The following TTC6 variants were observed in gnomAD, a reference collection of about 807,000 sequenced individuals.
TTC6 encodes the protein tetratricopeptide repeat domain 6.
TTC6 carries 172 observed loss-of-function variants against 210.4 expected under a neutral mutation model. The observed-to-expected ratio is 0.82, with a 90% CI of 0.72 to 0.93. The LOEUF (loss-of-function observed/expected upper bound fraction) is 0.93, where lower values mean the gene tolerates loss of function less well. Ranked by LOEUF, TTC6 falls within the 40% of genes least tolerant of loss-of-function variation. The pLI is 0.00. For synonymous variants in TTC6, 804 were observed against 819.6 expected (o/e 0.98, Z 0.32); for missense variants, 2,414 against 2,318.1 (o/e 1.04, Z -0.85).
intron 7 of TTC6, among the ~76,000 whole-genome samples, chr14:37,726,935 T>C (rs2095874161): frequency 6.6e-6 from 1 of 152,020 alleles, no homozygotes; most frequent in African/African-American, 2.4e-5. Context: ...TTTCTGATGG[T>C]GTTTCTGATA....
At chr14:37,714,856 T>C in intron 6 of TTC6, 60 bp downstream of exon 8, 1 of 1,466,452 alleles carries the variant, frequency 6.8e-7, no homozygotes, top group Non-Finnish European at 9.1e-7. Flanking sequence ...ACTTTTTGGC[T>C]TCAGGAGACT....
At chr14:37,629,534 C>T in intron 1 of TTC6, among the ~76,000 whole-genome samples, 1 of 152,144 alleles carries the variant, frequency 6.6e-6, no homozygotes, top group Non-Finnish European at 1.5e-5. Context: ...TCTAAATATA[C>T]AATCATGTCA....
rs147831894 is a variant in TTC6 at position 37,702,259 on chromosome 14, A to G, written c.1571+733A>G. ...CTGAAGTTCTTATCTCTTGATAGTG[A>G]TAGAATCCAGGTTTGTCTAACTCAG... On this transcript the variant is annotated intron_variant, in intron 5 of 30. Coordinates refer to ENST00000553443, the Ensembl canonical transcript of TTC6. Among the ~76,000 whole-genome samples the G allele has an allele frequency of 5.4e-3, 816 of 152,268 alleles. 6 individuals are homozygous for G. Among genetic ancestry groups the G allele is most frequent in the African/African-American group, 0.016 (683 of 41,542 alleles).
At chr14:37,773,940 A>G (rs901841845) in intron 14 of TTC6, among the ~76,000 whole-genome samples, 3 of 152,068 alleles carry the variant, frequency 2.0e-5, no homozygotes, top group African/African-American at 7.2e-5. Flanking sequence ...TCCTTTGAGC[A>G]GTGTTTTGTA....
Position 37,812,245 on chromosome 14 carries a change from A to G in TTC6, c.4570-69A>G, listed in dbSNP as rs2096131139. On this transcript the variant is annotated intron_variant, in intron 24 of 30. Coordinates refer to ENST00000553443, the Ensembl canonical transcript of TTC6. ...ATTGGGTCCTAGTTTGGACATAAAT[A>G]CGTTTGTCCATAGCCAATGAATTCA... The G allele has an allele frequency of 1.8e-5, 27 of 1,507,436 alleles. No individual in the cohort carries two copies. In the East Asian group the frequency reaches 6.0e-4, roughly 33 times the overall value. 93.4% of individuals were successfully genotyped at this position (1,507,436 alleles called of 1,614,324 possible). A position where few individuals can be genotyped will look rare whatever the true frequency, so the allele number is the denominator to read the frequency against.
At chr14:37,687,605 G>C (rs1470979255) in intron 3 of TTC6, among the ~76,000 whole-genome samples, 1 of 152,186 alleles carries the variant, frequency 6.6e-6, no homozygotes, top group Non-Finnish European at 1.5e-5. Flanking sequence ...AGATGGAAGA[G>C]TGGGGAAGAC....
In TTC6 at chr14:37,830,274, AT is replaced by A. The variant is rs576380615; in HGVS notation, c.5298+2917del. The stretch of plus-strand genomic sequence containing the variant: ...TGCTCTTTTTTGTCAAGATAACCAC[AT>A]TTTTTTTTAAGGGAAAAGTTTTACC... On this transcript the variant is annotated intron_variant, in intron 29 of 30. Transcript: ENST00000553443. Among the ~76,000 whole-genome samples the A allele has an allele frequency of 4.4e-4, 67 of 150,916 alleles. No individual in the cohort carries two copies. In the South Asian group the frequency reaches 0.013, roughly 28 times the overall value.
At chr14:37,761,827 C>A (rs1307950154) in intron 14 of TTC6, among the ~76,000 whole-genome samples, 1 of 152,082 alleles carries the variant, frequency 6.6e-6, no homozygotes, top group African/African-American at 2.4e-5. Flanking sequence ...TTCTTCACTT[C>A]ATATTTATGG....
intron 14 of TTC6, among the ~76,000 whole-genome samples, chr14:37,772,003 T>C (rs2096020586): frequency 6.6e-6 from 1 of 152,174 alleles, no homozygotes; most frequent in Admixed American, 6.5e-5. Context: ...CCTTTCTGTT[T>C]GTTAGTTTTC....
intron 3 of TTC6, among the ~76,000 whole-genome samples, chr14:37,687,587 A>G (rs1446393657): frequency 2.0e-5 from 3 of 152,088 alleles, no homozygotes; most frequent in Non-Finnish European, 4.4e-5. Flanking sequence ...CTTTTGCTTT[A>G]GAAGAGGAGA....
At chr14:37,777,529 G>C (rs1012906454) in intron 14 of TTC6, among the ~76,000 whole-genome samples, 2 of 151,936 alleles carry the variant, frequency 1.3e-5, no homozygotes, top group African/African-American at 4.8e-5. Flanking sequence ...TAGAATCCTT[G>C]GTTTGGGTTT....
exon 23 of TTC6, chr14:37,807,324 A>G: frequency 6.6e-7 from 1 of 1,524,534 alleles, no homozygotes; most frequent in South Asian, 1.2e-5. Context: ...GAATAGGCAT[A>G]TTTAAGCCGA....
chr14:37,723,939 C>T (rs942168498), intron 6 of TTC6, among the ~76,000 whole-genome samples: 2 of 151,988 alleles, frequency 1.3e-5, no homozygotes, highest in Non-Finnish European at 2.9e-5. Context: ...ACCCCTTGTG[C>T]TTCAAAGTTC....
upstream of TTC6, among the ~76,000 whole-genome samples, chr14:37,617,549 G>A (rs1192114698): frequency 6.6e-6 from 1 of 152,054 alleles, no homozygotes; most frequent in Admixed American, 6.6e-5. Flanking sequence ...AACAAGTATA[G>A]AAAGTGCAGA....
chr14:37,693,270 G>A (rs1566892152), intron 3 of TTC6, among the ~76,000 whole-genome samples: 1 of 151,872 alleles, frequency 6.6e-6, no homozygotes, highest in Admixed American at 6.6e-5. Flanking sequence ...TGAAAAAGAA[G>A]TAAAAAGTAG....
rs58133834 is a variant in TTC6, at chr14:37,832,329, CTTTTTTTTTT to C, written c.5298+4978_5298+4987del. Among the ~76,000 whole-genome samples the C allele has an allele frequency of 1.0e-4, 7 of 68,914 alleles. No homozygotes were observed. In the East Asian group the frequency reaches 3.4e-3, roughly 33 times the overall value. The allele number at this position is 68,914 out of a possible 152,430, so 45.2% of individuals were successfully genotyped here. On this transcript the variant is annotated intron_variant, in intron 29 of 30. Transcript: ENST00000553443. Reference sequence around the variant, plus strand: ...TTTATTATTTTCTTTTTCTTTCTCTCTTTTTTTTTTTTTTTTTTTTTTTTACTAATTTTGG... The same window carrying C: ...TTTATTATTTTCTTTTTCTTTCTCTCTTTTTTTTTTTTTTACTAATTTTGG...
At chr14:37,659,412 G>A (rs2095732134) in intron 1 of TTC6, among the ~76,000 whole-genome samples, 4 of 152,092 alleles carry the variant, frequency 2.6e-5, no homozygotes, top group African/African-American at 9.6e-5. Flanking sequence ...CAGTGTATAT[G>A]TGTTCCTTTT....
chr14:37,756,808 CT>C (rs530310304), intron 14 of TTC6, among the ~76,000 whole-genome samples: 1 of 151,162 alleles, frequency 6.6e-6, no homozygotes, highest in Non-Finnish European at 1.5e-5. Flanking sequence ...CTGAAATTTT[CT>C]TTTTTTTTGT....
At chr14:37,834,704 A>G (rs1377483035) in intron 29 of TTC6, among the ~76,000 whole-genome samples, 1 of 152,098 alleles carries the variant, frequency 6.6e-6, no homozygotes, top group African/African-American at 2.4e-5. Context: ...CTGCTACTGT[A>G]GATTTATTGC....
Sources: gnomAD v4.1 joint callset for allele counts (sites outside exome capture counted in the v4.1 genomes callset) on GRCh38, gnomAD v4.1.1 for gene constraint, MANE v1.5 for transcripts, NCBI Gene and HGNC (gene_info 2026-07-23, HGNC 2026-07-21) for gene names.